NUP155: variants seen among roughly 807,000 people sequenced by gnomAD.
The protein encoded by NUP155 is nuclear pore complex protein Nup155.
NUP155 carries 71 observed loss-of-function variants against 180.4 expected under a neutral mutation model. The observed-to-expected ratio is 0.39, with a 90% CI of 0.33 to 0.48. NUP155 has a LOEUF of 0.48. NUP155 is among the 20% of genes least tolerant of loss of function. The pLI, the probability that NUP155 is intolerant of heterozygous loss-of-function variation, is 0.91. For missense variants in NUP155, 1,553 were observed against 1,648.9 expected (o/e 0.94, Z 1.01); for synonymous variants, 582 against 559.5 (o/e 1.04, Z -0.57).
chr5:37,364,434 G>A (rs781286994), intron 1 of NUP155, 50 bp from the exon 2 acceptor site: 2 of 1,562,324 alleles, frequency 1.3e-6, no homozygotes, highest in African/African-American at 2.7e-5. Flanking sequence ...TCATCAACCG[G>A]GCAAACAAAA....
At chr5:37,365,858 T>C (rs1747553916) in intron 1 of NUP155, among the ~76,000 whole-genome samples, 1 of 151,070 alleles carries the variant, frequency 6.6e-6, no homozygotes, top group African/African-American at 2.4e-5. Context: ...TTAGTGTTTT[T>C]CTATCATTTT....
chr5:37,309,287 G>T lies in NUP155; in HGVS notation c.2629-20C>A. 1 of 1,599,450 alleles carries T rather than the reference G, an allele frequency of 6.3e-7. No individual in the cohort carries two copies. Among genetic ancestry groups the T allele is most frequent in the Non-Finnish European group, 8.5e-7 (1 of 1,170,992 alleles). On this transcript the variant is annotated intron_variant, in intron 23 of 34. Coordinates refer to ENST00000231498, the MANE Select transcript of NUP155 (RefSeq NM_153485.3). ...ATTTGCCTAGAAGAGGAGATAACAA[G>T]AACTTAAAAATATATAAAATCAAGC...
chr5:37,302,745 A>C, intron 29 of NUP155, 34 bp downstream of exon 29: 1 of 1,612,022 alleles, frequency 6.2e-7, no homozygotes, highest in South Asian at 1.1e-5. Context: ...GCTAGTACTC[A>C]ATGTGGACAC....
In NUP155 at chr5:37,333,526, A is replaced by G. The variant is rs1745114476; in HGVS notation, c.1455T>C (p.Asp485=). 1.2e-6 allele frequency: 2 copies of G among 1,614,074 alleles called. No homozygotes were observed. The highest frequency in any genetic ancestry group is 4.5e-5 in the East Asian group (2 of 44,862). The stretch of plus-strand genomic sequence containing the variant: ...TGTGCTGCTGTACAACAACTGGTGA[A>G]TCAGTTATTGGAATATGATCCTTGT... ...PLNKDHIPIT[D]SPVVVQQHML... The change falls in exon 13 of 35, where the codon GAT becomes GAC. Residue 485 remains aspartate (D), a synonymous_variant. Coordinates refer to ENST00000231498, the MANE Select transcript of NUP155 (RefSeq NM_153485.3).
At chr5:37,331,107 C>T (rs1744932709) in intron 14 of NUP155, among the ~76,000 whole-genome samples, 1 of 151,630 alleles carries the variant, frequency 6.6e-6, no homozygotes, top group Non-Finnish European at 1.5e-5. Context: ...CGAGATCACG[C>T]CACTGCACTC....
chr5:37,309,775 C>A (rs1400913391), intron 23 of NUP155, among the ~76,000 whole-genome samples: 1 of 152,016 alleles, frequency 6.6e-6, no homozygotes, highest in Non-Finnish European at 1.5e-5. Flanking sequence ...TCTTTATGGG[C>A]CAGGCGCAGA....
chr5:37,349,179 ACTC>A lies in NUP155; in HGVS notation c.893_895del (p.Gly298del), dbSNP rs1377709777. 1 of 737,814 alleles carries A rather than the reference ACTC, an allele frequency of 1.4e-6. No individual in the cohort carries two copies. Among genetic ancestry groups the A allele is most frequent in the East Asian group, 3.0e-5 (1 of 33,550 alleles). The allele number at this position is 737,814 out of a possible 1,614,324, so 45.7% of individuals were successfully genotyped here. A position where few individuals can be genotyped will look rare whatever the true frequency, so the allele number is the denominator to read the frequency against. On this transcript the variant is annotated inframe_deletion, in exon 8 of 35. Transcript: ENST00000231498. ...AATAATATTAATACTAACCTGTATT[ACTC>A]CTTTCTCAGATCGTGTATATAAAAT...
chr5:37,339,696 G>A (rs967897538), intron 11 of NUP155, among the ~76,000 whole-genome samples: 4 of 152,170 alleles, frequency 2.6e-5, no homozygotes, highest in Non-Finnish European at 5.9e-5. Context: ...AGTTAAGATG[G>A]CAACATGCCC....
chr5:37,343,951 C>T, intron 9 of NUP155, among the ~76,000 whole-genome samples: 1 of 152,108 alleles, frequency 6.6e-6, no homozygotes, highest in Non-Finnish European at 1.5e-5. Flanking sequence ...TTAAAATCAC[C>T]TCAATGAAGC....
intron 10 of NUP155, 78 bp downstream of exon 10, chr5:37,342,471 T>C: frequency 1.2e-6 from 1 of 867,592 alleles, no homozygotes; most frequent in Non-Finnish European, 1.9e-6. Flanking sequence ...AAAATATATT[T>C]CTAATAATAA....
At chr5:37,305,365 C>T (rs1308727714) in intron 25 of NUP155, among the ~76,000 whole-genome samples, 155 bp from the exon 26 acceptor site, 3 of 148,402 alleles carry the variant, frequency 2.0e-5, no homozygotes, top group Admixed American at 6.6e-5. Context: ...GGCAACAGAG[C>T]GGGACCACGT....
intron 1 of NUP155, among the ~76,000 whole-genome samples, chr5:37,365,712 AG>A (rs1430633474): frequency 0.4 from 4,412 of 10,940 alleles, 1,112 homozygotes; most frequent in East Asian, 0.63. Flanking sequence ...TGTCTCGGGG[AG>A]AAAAAAAAAA....
chr5:37,357,075 C>T (rs1325391591), intron 4 of NUP155, among the ~76,000 whole-genome samples: 2 of 152,138 alleles, frequency 1.3e-5, no homozygotes, highest in African/African-American at 2.4e-5. Flanking sequence ...CCACTGCACT[C>T]CAGCCTGGGC....
intron 4 of NUP155, among the ~76,000 whole-genome samples, chr5:37,353,259 TA>T (rs1561808977): frequency 5.9e-5 from 9 of 151,840 alleles, no homozygotes; most frequent in African/African-American, 2.2e-4. Context: ...GACATATATA[TA>T]TATACACACA....
At chr5:37,364,673 G>A (rs531571049) in intron 1 of NUP155, among the ~76,000 whole-genome samples, 6 of 150,224 alleles carry the variant, frequency 4.0e-5, no homozygotes, top group Admixed American at 6.7e-5. Flanking sequence ...GTCTCGCACT[G>A]TCGCCCAGGC....
chr5:37,301,584 A>C (rs1742866021), intron 29 of NUP155, 34 bp from the exon 30 acceptor site: 1 of 1,243,236 alleles, frequency 8.0e-7, no homozygotes, highest in Non-Finnish European at 1.2e-6. Flanking sequence ...GTCTTAATTT[A>C]TTTATGATAA....
At chr5:37,349,839 C>G (rs1746345004) in intron 7 of NUP155, among the ~76,000 whole-genome samples, 1 of 152,080 alleles carries the variant, frequency 6.6e-6, no homozygotes, top group Admixed American at 6.6e-5. Flanking sequence ...TTGTTCTAGA[C>G]CAAGCAAACA....
intron 22 of NUP155, among the ~76,000 whole-genome samples, chr5:37,312,640 A>G (rs1743597731): frequency 6.6e-6 from 1 of 152,152 alleles, no homozygotes; most frequent in Non-Finnish European, 1.5e-5. Context: ...CCAGCCTAGG[A>G]GATACGGTGA....
At chr5:37,309,091 A>C in intron 24 of NUP155, 38 bp downstream of exon 24, 1 of 1,602,418 alleles carries the variant, frequency 6.2e-7, no homozygotes. Flanking sequence ...TTGTCTTTTG[A>C]GTTGAGTAAA....
Sources: gnomAD v4.1 joint callset for allele counts (sites outside exome capture counted in the v4.1 genomes callset) on GRCh38, gnomAD v4.1.1 for gene constraint, MANE v1.5 for transcripts, NCBI Gene and HGNC (gene_info 2026-07-23, HGNC 2026-07-21) for gene names.